The following NRP1 variants were observed in gnomAD, a reference collection of about 807,000 sequenced individuals.
The protein encoded by NRP1 is neuropilin 1.
A neutral mutation model predicts 106.7 loss-of-function variants in NRP1; 35 were observed. That is an observed-to-expected ratio of 0.33 (90% CI 0.25 to 0.43). The LOEUF (loss-of-function observed/expected upper bound fraction) is 0.43, where lower values mean the gene tolerates loss of function less well. NRP1 is among the 20% of genes least tolerant of loss of function. The pLI, the probability that NRP1 is intolerant of heterozygous loss-of-function variation, is 1.00. For synonymous variants in NRP1, 437 were observed against 417.9 expected (o/e 1.05, Z -0.56); for missense variants, 1,024 against 1,170.4 (o/e 0.87, Z 1.83).
At chr10:33,198,141 TAAA>T (rs1440030401) in intron 11 of NRP1, among the ~76,000 whole-genome samples, 1 of 133,398 alleles carries the variant, frequency 7.5e-6, no homozygotes, top group Non-Finnish European at 1.5e-5. Context: ...TTTAAATTTT[TAAA>T]TTTTTTTTTT....
intron 16 of NRP1, 87 bp downstream of exon 16, chr10:33,182,611 T>C: frequency 1.2e-6 from 1 of 869,222 alleles, no homozygotes; most frequent in Non-Finnish European, 1.9e-6. Context: ...GACATACCAG[T>C]GTATTAGAGT....
chr10:33,292,712 C>G (rs941655261), intron 2 of NRP1, among the ~76,000 whole-genome samples: 4 of 152,096 alleles, frequency 2.6e-5, no homozygotes, highest in Admixed American at 2.0e-4. Context: ...AACCTGCCAA[C>G]GACGGTGGCT....
intron 8 of NRP1, among the ~76,000 whole-genome samples, chr10:33,215,013 A>G (rs1001476790): frequency 2.6e-5 from 4 of 152,220 alleles, no homozygotes; most frequent in African/African-American, 4.8e-5. Flanking sequence ...ATTTTATGTT[A>G]TGTATATTTT....
chr10:33,303,819 G>A (rs1845964988), intron 2 of NRP1, among the ~76,000 whole-genome samples: 1 of 152,112 alleles, frequency 6.6e-6, no homozygotes, highest in South Asian at 2.1e-4. Flanking sequence ...CCACTTGACC[G>A]TGACCCCTTC....
At chr10:33,255,824 G>T (rs1343907739) in intron 5 of NRP1, among the ~76,000 whole-genome samples, 2 of 152,074 alleles carry the variant, frequency 1.3e-5, no homozygotes, top group Non-Finnish European at 2.9e-5. Flanking sequence ...TTTGAGGAAG[G>T]GTTGAGTTAG....
chr10:33,264,048 A>G (rs1055996584), intron 3 of NRP1, among the ~76,000 whole-genome samples, 175 bp from the exon 4 acceptor site: 1 of 152,262 alleles, frequency 6.6e-6, no homozygotes, highest in Admixed American at 6.5e-5. Context: ...TGGAAAGTCA[A>G]GTTCAGATTT....
At chr10:33,230,597 A>ATGTGTGTGTG (rs10558085) in intron 6 of NRP1, among the ~76,000 whole-genome samples, 1 of 144,584 alleles carries the variant, frequency 6.9e-6, no homozygotes. Context: ...TTTCTCATAT[A>ATGTGTGTGTG]TGTGTGTGTG....
At chr10:33,273,419 C>T (rs1396186517) in intron 2 of NRP1, among the ~76,000 whole-genome samples, 2 of 152,214 alleles carry the variant, frequency 1.3e-5, no homozygotes, top group Admixed American at 1.3e-4. Context: ...TTCGCACTGG[C>T]AAGCGTGCTG....
intron 2 of NRP1, among the ~76,000 whole-genome samples, chr10:33,295,408 T>G (rs115901727): frequency 1.1e-3 from 171 of 152,302 alleles, no homozygotes; most frequent in African/African-American, 3.9e-3. Context: ...AACTTTCCAT[T>G]AGAAGATTTT....
chr10:33,263,916 T>A (rs1344140939), intron 3 of NRP1, 43 bp from the exon 4 acceptor site: 8 of 1,254,036 alleles, frequency 6.4e-6, no homozygotes, highest in South Asian at 1.2e-5. Flanking sequence ...AAATCCCACT[T>A]AAACAACTTC....
At chr10:33,245,331 T>C (rs1385307540) in intron 6 of NRP1, among the ~76,000 whole-genome samples, 1 of 152,228 alleles carries the variant, frequency 6.6e-6, no homozygotes, top group Non-Finnish European at 1.5e-5. Context: ...GTATGTATGC[T>C]ATGTGCTTCT....
rs1238566299 is a variant in NRP1 at position 33,203,834 on chromosome 10, G to A, written c.1760-839C>T. Among the ~76,000 whole-genome samples, 3 of 119,350 alleles carry A rather than the reference G, an allele frequency of 2.5e-5. 1 individual carries two copies. The highest frequency in any genetic ancestry group is 5.2e-5 in the Non-Finnish European group (3 of 58,248). 78.3% of individuals were successfully genotyped at this position (119,350 alleles called of 152,430 possible). ...CGGCTCACTGCAAGCTCTGCTTCCC[G>A]GGTTCACGCCATTCTCCTGCCTCAG... On this transcript the variant is annotated intron_variant, in intron 10 of 16. Transcript: ENST00000374867.
chr10:33,190,678 G>A (rs1426782899), intron 13 of NRP1, among the ~76,000 whole-genome samples: 3 of 152,126 alleles, frequency 2.0e-5, no homozygotes, highest in Non-Finnish European at 4.4e-5. Context: ...CCCCCCTGGG[G>A]TACCTTTTGG....
rs764387080 is a variant in NRP1 at position 33,256,439 on chromosome 10, T to C, written c.691A>G (p.Lys231Glu). 3.7e-6 allele frequency: 6 copies of C among 1,614,224 alleles called. No homozygotes were observed. Among genetic ancestry groups the C allele is most frequent in the Non-Finnish European group, 4.2e-6 (5 of 1,180,032 alleles). The change falls in exon 5 of 17, where the codon AAA becomes GAA. Residue 231 changes from lysine (K) to glutamate (E), a missense_variant. Coordinates refer to ENST00000374867, the MANE Select transcript of NRP1 (RefSeq NM_003873.7). ...GAGGATCGGATTCGACCTGGTGTTT[T>C]CTGTCCACAGTAACGCCCAATGTGA... Reference protein sequence around the residue: ...GPHIGRYCGQKTPGRIRSSSG... With the variant: ...GPHIGRYCGQETPGRIRSSSG...
At chr10:33,326,341 G>T (rs1206649226) in intron 2 of NRP1, among the ~76,000 whole-genome samples, 1 of 152,068 alleles carries the variant, frequency 6.6e-6, no homozygotes, top group Non-Finnish European at 1.5e-5. Context: ...TTTTCAATGT[G>T]CAATGAACAT....
intron 4 of NRP1, among the ~76,000 whole-genome samples, chr10:33,263,125 A>G (rs1842685612): frequency 6.6e-6 from 1 of 152,230 alleles, no homozygotes; most frequent in East Asian, 1.9e-4. Flanking sequence ...CTAAATTAGG[A>G]ATGCCCAAAC....
At chr10:33,280,029 G>A (rs1292347746) in intron 2 of NRP1, among the ~76,000 whole-genome samples, 2 of 152,156 alleles carry the variant, frequency 1.3e-5, no homozygotes, top group South Asian at 2.1e-4. Context: ...CCCAACACAC[G>A]TCTAGAGACA....
At chr10:33,190,074 G>A (rs143613201) in intron 13 of NRP1, among the ~76,000 whole-genome samples, 2,012 of 152,328 alleles carry the variant, frequency 0.013, 32 homozygotes, top group Non-Finnish European at 0.018. Flanking sequence ...GTTAATCTAC[G>A]ACAAGCTCTC....
chr10:33,235,231 T>C (rs1415512138), intron 6 of NRP1, among the ~76,000 whole-genome samples: 1 of 152,234 alleles, frequency 6.6e-6, no homozygotes, highest in Non-Finnish European at 1.5e-5. Context: ...AACTGGCAAG[T>C]AGCATTGTCC....
Sources: gnomAD v4.1 joint callset for allele counts (sites outside exome capture counted in the v4.1 genomes callset) on GRCh38, gnomAD v4.1.1 for gene constraint, MANE v1.5 for transcripts, NCBI Gene and HGNC (gene_info 2026-07-23, HGNC 2026-07-21) for gene names.